The following USH2A variants were observed in gnomAD, a reference collection of about 807,000 sequenced individuals.
USH2A encodes the protein usherin, also known as Usher syndrome 2A (autosomal recessive, mild).
USH2A carries 443 observed loss-of-function variants against 538.9 expected under a neutral mutation model. The observed-to-expected ratio is 0.82, with a 90% CI of 0.76 to 0.89. The LOEUF (loss-of-function observed/expected upper bound fraction) is 0.89, where lower values mean the gene tolerates loss of function less well. Among genes scored for constraint, USH2A ranks in the 40% least tolerant of loss-of-function variants. The pLI, the probability that USH2A is intolerant of heterozygous loss-of-function variation, is 0.00. For missense variants in USH2A, 6,633 were observed against 6,324.8 expected, an observed-to-expected ratio of 1.05 and a Z score of -1.65; for synonymous variants, 2,413 against 2,273.5, an observed-to-expected ratio of 1.06 and a Z score of -1.75.
Position 215,771,680 on chromosome 1 carries a change from G to A in USH2A, c.10940-4892C>T, listed in dbSNP as rs1046660077. Among the ~76,000 whole-genome samples the A allele has an allele frequency of 2.1e-5, 3 of 141,934 alleles. No individual in the cohort carries two copies. The East Asian group carries it at 6.8e-4, about 32-fold the overall frequency. 93.1% of individuals were successfully genotyped at this position (141,934 alleles called of 152,430 possible). A position where few individuals can be genotyped will look rare whatever the true frequency, so the allele number is the denominator to read the frequency against. On this transcript the variant is annotated intron_variant, in intron 55 of 71. Coordinates refer to ENST00000307340, the MANE Select transcript of USH2A (RefSeq NM_206933.4). The stretch of plus-strand genomic sequence containing the variant: ...CATTTTGAATATTATTATGAGTCAT[G>A]TAGTGAGATACTGAGTCATGTTCTG...
intron 11 of USH2A, 84 bp from the exon 12 acceptor site, chr1:216,251,182 G>A: frequency 1.4e-6 from 2 of 1,406,688 alleles, no homozygotes; most frequent in Non-Finnish European, 2.0e-6. Flanking sequence ...CAGGGAGGGA[G>A]GGAGAAGAAA....
intron 21 of USH2A, among the ~76,000 whole-genome samples, chr1:216,136,941 T>C (rs2033497277): frequency 6.6e-6 from 1 of 152,188 alleles, no homozygotes. Flanking sequence ...TTCAGAATTG[T>C]GAGACAATAA....
intron 43 of USH2A, among the ~76,000 whole-genome samples, chr1:215,872,998 TA>T (rs2102446082): frequency 6.6e-6 from 1 of 152,212 alleles, no homozygotes; most frequent in South Asian, 2.1e-4. Context: ...ATGAGCCAAG[TA>T]AACTTTTCTT....
At chr1:216,117,761 T>C (rs914191641) in intron 21 of USH2A, among the ~76,000 whole-genome samples, 44 of 151,508 alleles carry the variant, frequency 2.9e-4, no homozygotes, top group African/African-American at 1.0e-3. Context: ...TCTGACCTCA[T>C]ATACACACAG....
intron 4 of USH2A, among the ~76,000 whole-genome samples, chr1:216,343,624 T>C (rs900541964): frequency 6.7e-6 from 1 of 150,082 alleles, no homozygotes; most frequent in Non-Finnish European, 1.5e-5. Context: ...AAAATAGATC[T>C]GTGTCCATTC....
chr1:215,670,788 A>T (rs879367853), intron 64 of USH2A, among the ~76,000 whole-genome samples, 184 bp downstream of exon 64: 1 of 152,188 alleles, frequency 6.6e-6, no homozygotes, highest in Non-Finnish European at 1.5e-5. Flanking sequence ...AAACCAAGAA[A>T]ATGAAAAAGG....
intron 30 of USH2A, among the ~76,000 whole-genome samples, chr1:216,052,239 A>G (rs1296102631): frequency 2.0e-5 from 3 of 152,148 alleles, no homozygotes; most frequent in African/African-American, 7.2e-5. Context: ...TCTTAAAGAA[A>G]GATGCTGGAG....
chr1:216,220,478 T>C (rs1183079151), intron 14 of USH2A, among the ~76,000 whole-genome samples: 2 of 150,798 alleles, frequency 1.3e-5, no homozygotes, highest in Non-Finnish European at 2.9e-5. Flanking sequence ...TTAACTAGTC[T>C]GGTAGCAGAA....
intron 14 of USH2A, among the ~76,000 whole-genome samples, chr1:216,231,272 A>ATATATATAATATATATATTAT (rs1448269695): frequency 2.3e-5 from 1 of 43,730 alleles, no homozygotes. Flanking sequence ...ATATATATAT[A>ATATATATAATATATATATTAT]ATATATATAC....
At chr1:216,327,178 A>C (rs1184486391) in intron 5 of USH2A, among the ~76,000 whole-genome samples, 2 of 152,160 alleles carry the variant, frequency 1.3e-5, no homozygotes, top group Non-Finnish European at 2.9e-5. Flanking sequence ...CATGTATCAA[A>C]ATAATTAATC....
chr1:216,185,608 G>A (rs1310518673), intron 20 of USH2A, among the ~76,000 whole-genome samples: 1 of 151,772 alleles, frequency 6.6e-6, no homozygotes, highest in East Asian at 1.9e-4. Context: ...CAAATCCATT[G>A]GAGTTCATTG....
At chr1:215,970,281 A>C (rs1254795301) in intron 36 of USH2A, among the ~76,000 whole-genome samples, 1 of 152,046 alleles carries the variant, frequency 6.6e-6, no homozygotes, top group Non-Finnish European at 1.5e-5. Flanking sequence ...CTTAATCTTA[A>C]ACTTACTTAG....
intron 38 of USH2A, among the ~76,000 whole-genome samples, chr1:215,907,099 G>C (rs1438386157): frequency 1.3e-5 from 2 of 151,912 alleles, no homozygotes; most frequent in African/African-American, 4.8e-5. Flanking sequence ...TTCTGATGTA[G>C]AACAAAGAAT....
At chr1:215,824,504 T>C (rs1434500988) in intron 47 of USH2A, among the ~76,000 whole-genome samples, 2 of 152,078 alleles carry the variant, frequency 1.3e-5, no homozygotes, top group Non-Finnish European at 2.9e-5. Context: ...CCTGGTAGTG[T>C]GAGGAGGCTG....
rs544539550 is a variant in USH2A, at chr1:215,663,686, G to A, written c.14133+7286C>T. On this transcript the variant is annotated intron_variant, in intron 64 of 71. Coordinates refer to ENST00000307340, the MANE Select transcript of USH2A (RefSeq NM_206933.4). ...AGGTAGTGCAAAAGGATCAGTCAGA[G>A]TCCTGTATTGGTTGACTTATAGTCC... Among the ~76,000 whole-genome samples, 385 of 152,128 alleles carry A rather than the reference G, an allele frequency of 2.5e-3. 2 individuals carry two copies. Among genetic ancestry groups the A allele is most frequent in the Non-Finnish European group, 2.7e-3 (183 of 68,020 alleles).
chr1:215,841,306 T>C (rs915438315), intron 46 of USH2A, among the ~76,000 whole-genome samples: 8 of 152,184 alleles, frequency 5.3e-5, no homozygotes, highest in African/African-American at 1.9e-4. Flanking sequence ...ACTACAAGGC[T>C]ACAGTAACCA....
At position 216,233,151 on chromosome 1, in the gene USH2A, T is replaced by C. The variant is rs111834638; in HGVS notation, c.2810-1015A>G. Among the ~76,000 whole-genome samples, 522 of 152,246 alleles carry C rather than the reference T, an allele frequency of 3.4e-3. 2 individuals carry two copies. The highest frequency in any genetic ancestry group is 0.012 in the African/African-American group (496 of 41,546). ...TAGGAAATAAATCCAAATCTCTCAC[T>C]CAGCTTTCAATCCTACAGTCAGGTC... On this transcript the variant is annotated intron_variant, in intron 13 of 71. Coordinates refer to ENST00000307340, the MANE Select transcript of USH2A (RefSeq NM_206933.4).
chr1:215,682,471 A>T (rs1658267734), intron 61 of USH2A, among the ~76,000 whole-genome samples: 1 of 152,224 alleles, frequency 6.6e-6, no homozygotes, highest in African/African-American at 2.4e-5. Flanking sequence ...TTAATGATTA[A>T]CAACTGGCAT....
At chr1:215,777,535 T>A (rs916409444) in intron 55 of USH2A, among the ~76,000 whole-genome samples, 1 of 152,242 alleles carries the variant, frequency 6.6e-6, no homozygotes, top group African/African-American at 2.4e-5. Flanking sequence ...TAAACTTGCT[T>A]TTCAAAACCC....
Sources: allele counts gnomAD v4.1 joint callset (sites outside exome capture counted in the v4.1 genomes callset), GRCh38; gene constraint gnomAD v4.1.1; transcripts MANE v1.5; gene names NCBI Gene and HGNC (gene_info 2026-07-23, HGNC 2026-07-21).